The following FHIT variants were observed in gnomAD, a reference collection of about 807,000 sequenced individuals.
FHIT encodes the protein bis(5'-adenosyl)-triphosphatase.
A neutral mutation model predicts 17.9 loss-of-function variants in FHIT; 19 were observed. The ratio of observed to expected loss-of-function variants is 1.06; its 90% confidence interval spans 0.74 to 1.56. FHIT has a LOEUF of 1.56. Ranked by LOEUF, FHIT falls within the 40% of genes most tolerant of loss-of-function variation. The pLI is 0.00. For synonymous variants in FHIT, 81 were observed against 69.7 expected (o/e 1.16, Z -0.81); for missense variants, 248 against 189.2 (o/e 1.31, Z -1.82).
chr3:60,532,528 T>A (rs2035823734), intron 5 of FHIT, among the ~76,000 whole-genome samples: 1 of 152,212 alleles, frequency 6.6e-6, no homozygotes, highest in Admixed American at 6.5e-5. Context: ...GAATTCTGAA[T>A]GTGTACTCTT....
intron 5 of FHIT, among the ~76,000 whole-genome samples, chr3:60,437,074 C>T (rs939418554): frequency 1.3e-4 from 20 of 152,092 alleles, no homozygotes; most frequent in Non-Finnish European, 2.9e-5. Flanking sequence ...CCCCTGTTCA[C>T]AGGAGAGGCC....
At chr3:60,454,791 T>G (rs2031981992) in intron 5 of FHIT, among the ~76,000 whole-genome samples, 1 of 152,154 alleles carries the variant, frequency 6.6e-6, no homozygotes, top group Admixed American at 6.5e-5. Context: ...CAAAAGTTGT[T>G]ACACACATAA....
intron 7 of FHIT, among the ~76,000 whole-genome samples, chr3:59,968,713 G>A (rs1394661946): frequency 6.6e-6 from 1 of 152,154 alleles, no homozygotes; most frequent in Non-Finnish European, 1.5e-5. Flanking sequence ...GAAGATACCA[G>A]TATAGGTCAG....
intron 4 of FHIT, among the ~76,000 whole-genome samples, chr3:60,580,682 G>A (rs1249620696): frequency 1.3e-5 from 2 of 152,084 alleles, no homozygotes; most frequent in African/African-American, 4.8e-5. Flanking sequence ...TTTGAGTACT[G>A]TCTTGGCAAT....
chr3:60,319,504 T>C (rs1709322399), intron 5 of FHIT, among the ~76,000 whole-genome samples: 2 of 151,402 alleles, frequency 1.3e-5, no homozygotes, highest in African/African-American at 4.8e-5. Context: ...TAGATTGGGA[T>C]AACTGACTGC....
At chr3:60,711,923 C>T (rs140929396) in intron 4 of FHIT, among the ~76,000 whole-genome samples, 26,813 of 151,910 alleles carry the variant, frequency 0.18, 2,458 homozygotes, top group Middle Eastern at 0.23. Context: ...ATACAGAGAA[C>T]GCCACAAAGA....
At chr3:60,042,689 C>A (rs951342353) in intron 5 of FHIT, among the ~76,000 whole-genome samples, 1 of 152,126 alleles carries the variant, frequency 6.6e-6, no homozygotes, top group South Asian at 2.1e-4. Flanking sequence ...TCCAGATACA[C>A]TCACATTCAG....
intron 6 of FHIT, 142 bp downstream of exon 6, chr3:60,013,865 G>C (rs1700233241): frequency 1.1e-5 from 9 of 808,794 alleles, no homozygotes; most frequent in Non-Finnish European, 1.2e-5. Context: ...GGGTTGCCCT[G>C]CATTAGAAAT....
rs192701995 is a variant in FHIT at position 60,551,871 on chromosome 3, C to G, written c.-17-14892G>C. Among the ~76,000 whole-genome samples the G allele has an allele frequency of 6.8e-4, 104 of 151,968 alleles. 1 individual carries two copies. Among genetic ancestry groups the G allele is most frequent in the Admixed American group, 1.5e-3 (23 of 15,272 alleles). ...TTCATATACCATAAAATTCACCCTT[C>G]TAGTGTACAGTTTGATGGTTTTCAG... On this transcript the variant is annotated intron_variant, in intron 4 of 9. Coordinates refer to ENST00000492590, the MANE Select transcript of FHIT (RefSeq NM_002012.4).
At chr3:59,960,124 G>C (rs72875145) in intron 7 of FHIT, among the ~76,000 whole-genome samples, 1 of 152,200 alleles carries the variant, frequency 6.6e-6, no homozygotes, top group African/African-American at 2.4e-5. Context: ...GAGAGAGGAA[G>C]ACAGTGGGTG....
At chr3:60,609,125 T>C (rs193274983) in intron 4 of FHIT, among the ~76,000 whole-genome samples, 150 of 152,176 alleles carry the variant, frequency 9.9e-4, no homozygotes, top group African/African-American at 3.4e-3. Flanking sequence ...ACTTTGGGGA[T>C]TGATGCATGA....
At chr3:60,146,564 C>T (rs1469829377) in intron 5 of FHIT, among the ~76,000 whole-genome samples, 1 of 152,136 alleles carries the variant, frequency 6.6e-6, no homozygotes, top group African/African-American at 2.4e-5. Flanking sequence ...TAAAACTAAA[C>T]ATTACCACAG....
At chr3:60,065,235 C>A (rs1197568856) in intron 5 of FHIT, among the ~76,000 whole-genome samples, 2 of 152,128 alleles carry the variant, frequency 1.3e-5, no homozygotes, top group Admixed American at 6.5e-5. Flanking sequence ...TGTGGAGGAA[C>A]CTTATGAGCT....
At chr3:60,778,444 TC>T (rs1700276486) in intron 4 of FHIT, among the ~76,000 whole-genome samples, 1 of 152,216 alleles carries the variant, frequency 6.6e-6, no homozygotes, top group Non-Finnish European at 1.5e-5. Context: ...GCTGAAATGC[TC>T]ATGATTATCA....
chr3:60,217,075 C>T (rs1703729765), intron 5 of FHIT, among the ~76,000 whole-genome samples: 2 of 152,156 alleles, frequency 1.3e-5, no homozygotes, highest in Non-Finnish European at 2.9e-5. Flanking sequence ...AAAGCATTAG[C>T]ATGTTGAATA....
intron 5 of FHIT, among the ~76,000 whole-genome samples, chr3:60,117,411 T>C (rs1475172587): frequency 6.6e-6 from 1 of 151,582 alleles, no homozygotes; most frequent in Non-Finnish European, 1.5e-5. Context: ...TTTTTATTTT[T>C]ATTACAGCTT....
chr3:59,930,104 C>G (rs575870093), intron 7 of FHIT, among the ~76,000 whole-genome samples: 168 of 152,276 alleles, frequency 1.1e-3, no homozygotes, highest in Non-Finnish European at 2.1e-3. Context: ...GTTATCCCAG[C>G]CAAGGTGTGA....
At chr3:61,071,980 C>G (rs551468789) in intron 2 of FHIT, among the ~76,000 whole-genome samples, 1 of 152,296 alleles carries the variant, frequency 6.6e-6, no homozygotes, top group South Asian at 2.1e-4. Flanking sequence ...TCTAGTGACA[C>G]AATCACTCTC....
chr3:60,388,432 T>C (rs569439130), intron 5 of FHIT, among the ~76,000 whole-genome samples: 1 of 152,132 alleles, frequency 6.6e-6, no homozygotes, highest in South Asian at 2.1e-4. Flanking sequence ...AAACCCCATC[T>C]CTACAGAAAA....
Sources: gnomAD v4.1 joint callset for allele counts (sites outside exome capture counted in the v4.1 genomes callset) on GRCh38, gnomAD v4.1.1 for gene constraint, MANE v1.5 for transcripts, NCBI Gene and HGNC (gene_info 2026-07-23, HGNC 2026-07-21) for gene names.